The following SH3BGRL2 variants were observed in gnomAD, a reference collection of about 807,000 sequenced individuals.
SH3BGRL2 encodes SH3 domain binding glutamate rich protein like 2.
A neutral mutation model predicts 14.8 loss-of-function variants in SH3BGRL2; 21 were observed. The observed-to-expected ratio is 1.42, with a 90% CI of 1.01 to 2.05. The LOEUF is 2.05. Ranked by LOEUF, SH3BGRL2 falls within the 30% of genes most tolerant of loss-of-function variation. The probability of loss-of-function intolerance (pLI) is 0.00; values close to 1 mark genes in which losing one functional copy is unlikely to be tolerated. For synonymous variants in SH3BGRL2, 50 were observed against 47.8 expected, an observed-to-expected ratio of 1.05 and a Z score of -0.19; for missense variants, 147 against 130.8, an observed-to-expected ratio of 1.12 and a Z score of -0.61.
Position 79,683,083 on chromosome 6 carries a change from G to A in SH3BGRL2, c.231+9284G>A, listed in dbSNP as rs191006620. ...AGCTGGGGGAGGGATAGCATTAGGA[G>A]AAATACCTAATGTAAATGATGAGTT... On this transcript the variant is annotated intron_variant, in intron 2 of 3. Coordinates refer to ENST00000369838, the MANE Select transcript of SH3BGRL2 (RefSeq NM_031469.4). Among the ~76,000 whole-genome samples, 89 of 152,250 alleles carry A rather than the reference G, an allele frequency of 5.8e-4. No homozygotes were observed. In the East Asian group the frequency reaches 0.015, roughly 26 times the overall value.
chr6:79,566,106 G>A, the SH3BGRL2 span, among the ~76,000 whole-genome samples: 1 of 152,202 alleles, frequency 6.6e-6, no homozygotes, highest in Non-Finnish European at 1.5e-5. Context: ...GTGGAAAGTA[G>A]AGGAGGAATG....
chr6:79,591,338 A>G, the SH3BGRL2 span, among the ~76,000 whole-genome samples: 1 of 152,140 alleles, frequency 6.6e-6, no homozygotes, highest in African/African-American at 2.4e-5. Flanking sequence ...TTTTATATGG[A>G]AAAACACACT....
chr6:79,676,910 CTAGAGG>C (rs1769896168), intron 2 of SH3BGRL2, among the ~76,000 whole-genome samples: 1 of 151,962 alleles, frequency 6.6e-6, no homozygotes. Flanking sequence ...TGGGAGCTGG[CTAGAGG>C]TTTATATTAC....
chr6:79,620,447 T>G, the SH3BGRL2 span, among the ~76,000 whole-genome samples: 1 of 152,110 alleles, frequency 6.6e-6, no homozygotes, highest in South Asian at 2.1e-4. Flanking sequence ...GTGAATTACT[T>G]ATGCTTTAGC....
At chr6:79,548,201 C>G in the SH3BGRL2 span, among the ~76,000 whole-genome samples, 1 of 152,076 alleles carries the variant, frequency 6.6e-6, no homozygotes, top group South Asian at 2.1e-4. Context: ...TTTTCACTTA[C>G]TAATTACACA....
chr6:79,571,898 A>G, the SH3BGRL2 span, among the ~76,000 whole-genome samples: 1 of 152,134 alleles, frequency 6.6e-6, no homozygotes, highest in Non-Finnish European at 1.5e-5. Flanking sequence ...AGCTCTATTC[A>G]TTTTTTAAAA....
At chr6:79,683,136 A>T (rs535154036) in intron 2 of SH3BGRL2, among the ~76,000 whole-genome samples, 103 of 152,312 alleles carry the variant, frequency 6.8e-4, no homozygotes, top group African/African-American at 2.3e-3. Flanking sequence ...AATATGGTAC[A>T]TGTATACCTA....
At chr6:79,538,180 T>TA in the SH3BGRL2 span, among the ~76,000 whole-genome samples, 1 of 152,106 alleles carries the variant, frequency 6.6e-6, no homozygotes, top group East Asian at 1.9e-4. Context: ...GTGAGGGCTT[T>TA]AAACTGCTCC....
chr6:79,647,459 A>T (rs12527512), intron 1 of SH3BGRL2, among the ~76,000 whole-genome samples: 11,310 of 152,144 alleles, frequency 0.074, 535 homozygotes, highest in Non-Finnish European at 0.11. Context: ...ATCAACTCCT[A>T]TGTATTTATG....
intron 1 of SH3BGRL2, among the ~76,000 whole-genome samples, chr6:79,640,562 A>G (rs199779373): frequency 1.3e-5 from 2 of 152,052 alleles, no homozygotes; most frequent in East Asian, 3.9e-4. Flanking sequence ...GTTACTATTG[A>G]CAGCTTATTC....
At chr6:79,649,163 G>A (rs1219110858) in intron 1 of SH3BGRL2, among the ~76,000 whole-genome samples, 1 of 152,228 alleles carries the variant, frequency 6.6e-6, no homozygotes, top group Non-Finnish European at 1.5e-5. Context: ...TCTTAAGGCA[G>A]AATTGGAGAA....
At chr6:79,570,072 A>G in the SH3BGRL2 span, among the ~76,000 whole-genome samples, 1 of 152,216 alleles carries the variant, frequency 6.6e-6, no homozygotes, top group East Asian at 1.9e-4. Context: ...CAATTTTTAA[A>G]TAACATTAAA....
the SH3BGRL2 span, among the ~76,000 whole-genome samples, chr6:79,558,433 T>C: frequency 7.9e-5 from 12 of 152,186 alleles, no homozygotes; most frequent in Non-Finnish European, 1.3e-4. Context: ...TTTAACATCC[T>C]TTTAGAAAGG....
At chr6:79,616,096 A>G in the SH3BGRL2 span, among the ~76,000 whole-genome samples, 1 of 151,942 alleles carries the variant, frequency 6.6e-6, no homozygotes, top group Non-Finnish European at 1.5e-5. Context: ...GATTGCAGGC[A>G]TGAGCCACCG....
chr6:79,556,966 A>G, the SH3BGRL2 span, among the ~76,000 whole-genome samples: 1 of 152,014 alleles, frequency 6.6e-6, no homozygotes, highest in Non-Finnish European at 1.5e-5. Flanking sequence ...TATTCTGAAC[A>G]TATTTGACTT....
At chr6:79,541,162 A>C in the SH3BGRL2 span, among the ~76,000 whole-genome samples, 1 of 152,244 alleles carries the variant, frequency 6.6e-6, no homozygotes, top group African/African-American at 2.4e-5. Context: ...CTGAGGCAGG[A>C]GAATTGCTTG....
chr6:79,580,201 A>ATTAT, the SH3BGRL2 span, among the ~76,000 whole-genome samples: 1 of 152,212 alleles, frequency 6.6e-6, no homozygotes, highest in Non-Finnish European at 1.5e-5. Flanking sequence ...TAATAATGGG[A>ATTAT]GACTTTAACA....
intron 2 of SH3BGRL2, among the ~76,000 whole-genome samples, chr6:79,683,938 G>C (rs1478852654): frequency 6.6e-6 from 1 of 152,102 alleles, no homozygotes; most frequent in African/African-American, 2.4e-5. Context: ...CAAAATGATG[G>C]ACAGAAATTT....
At chr6:79,673,824 C>A in intron 2 of SH3BGRL2, 25 bp downstream of exon 2, 1 of 1,601,024 alleles carries the variant, frequency 6.2e-7, no homozygotes, top group Non-Finnish European at 8.5e-7. Context: ...TGTTATCATG[C>A]TGTTTCTTTT....
Sources: gnomAD v4.1 joint callset for allele counts (sites outside exome capture counted in the v4.1 genomes callset) on GRCh38, gnomAD v4.1.1 for gene constraint, MANE v1.5 for transcripts, NCBI Gene and HGNC (gene_info 2026-07-23, HGNC 2026-07-21) for gene names.